PKIB: variants seen among roughly 807,000 people sequenced by gnomAD.
The protein encoded by PKIB is PKI-beta.
Under a neutral mutation model 4.5 loss-of-function variants are expected in PKIB, and 2 were observed. That is an observed-to-expected ratio of 0.44 (90% CI 0.18 to 1.39). The LOEUF is 1.39. Ranked by LOEUF, PKIB falls within the 40% of genes most tolerant of loss-of-function variation. The pLI, the probability that PKIB is intolerant of heterozygous loss-of-function variation, is 0.27. For missense variants in PKIB, 94 were observed against 92.6 expected, an observed-to-expected ratio of 1.02 and a Z score of -0.06; for synonymous variants, 38 against 36.0, an observed-to-expected ratio of 1.06 and a Z score of -0.20.
chr6:122,639,567 G>C (rs188176733), intron 2 of PKIB, among the ~76,000 whole-genome samples: 2 of 152,272 alleles, frequency 1.3e-5, no homozygotes, highest in Non-Finnish European at 2.9e-5. Context: ...TTGAACTAGA[G>C]AAAAATTGAC....
intron 4 of PKIB, among the ~76,000 whole-genome samples, chr6:122,719,969 A>G (rs74754538): frequency 0.045 from 6,861 of 152,128 alleles, 313 homozygotes; most frequent in African/African-American, 0.12. Flanking sequence ...TTATTAACAA[A>G]GTCACAAGTA....
intron 2 of PKIB, among the ~76,000 whole-genome samples, chr6:122,551,583 T>C (rs1387635149): frequency 6.6e-6 from 1 of 152,156 alleles, no homozygotes; most frequent in African/African-American, 2.4e-5. Context: ...TCCTTTGATT[T>C]CCCCTTATCC....
At chr6:122,547,764 A>C (rs1772547342) in intron 2 of PKIB, among the ~76,000 whole-genome samples, 1 of 136,860 alleles carries the variant, frequency 7.3e-6, no homozygotes, top group African/African-American at 2.7e-5. Context: ...CCATATGCAC[A>C]GCATCAGCAG....
At chr6:122,561,065 T>G (rs1772996885) in intron 2 of PKIB, among the ~76,000 whole-genome samples, 1 of 152,046 alleles carries the variant, frequency 6.6e-6, no homozygotes, top group South Asian at 2.1e-4. Flanking sequence ...CTTGGTAATT[T>G]CCTTTCTTCT....
At chr6:122,724,241 A>G (rs1779855451) in intron 4 of PKIB, among the ~76,000 whole-genome samples, 1 of 152,156 alleles carries the variant, frequency 6.6e-6, no homozygotes, top group South Asian at 2.1e-4. Context: ...GCCAGGAGAA[A>G]GGGAAAGTCA....
At chr6:122,496,208 A>G (rs912984215) in intron 2 of PKIB, among the ~76,000 whole-genome samples, 1 of 152,240 alleles carries the variant, frequency 6.6e-6, no homozygotes, top group South Asian at 2.1e-4. Context: ...CACATGGCAT[A>G]GTATAAAATC....
chr6:122,573,521 CAAAAA>C (rs61014475), intron 2 of PKIB, among the ~76,000 whole-genome samples: 1 of 87,588 alleles, frequency 1.1e-5, no homozygotes, highest in Non-Finnish European at 2.3e-5. Context: ...GACTCTGTCT[CAAAAA>C]AAAAAAAAAA....
At chr6:122,654,209 C>A (rs1270276605) in intron 2 of PKIB, among the ~76,000 whole-genome samples, 1 of 152,188 alleles carries the variant, frequency 6.6e-6, no homozygotes, top group Non-Finnish European at 1.5e-5. Flanking sequence ...GGTTTGGAGT[C>A]AGACCAGGGT....
In PKIB at chr6:122,611,531, T is replaced by A. The variant is rs569475645; in HGVS notation, c.-161+996T>A. On this transcript the variant is annotated intron_variant, in intron 1 of 4. Transcript: ENST00000368452. Reference sequence around the variant, plus strand: ...AAACGTTCATCTAGAAAAAAAATTTTAAAAAAACTCTTTTATCAGTGGTTT... The same window carrying A: ...AAACGTTCATCTAGAAAAAAAATTTAAAAAAAACTCTTTTATCAGTGGTTT... Among the ~76,000 whole-genome samples, 349 of 152,262 alleles carry A rather than the reference T, an allele frequency of 2.3e-3. 5 individuals are homozygous for A. Among genetic ancestry groups the A allele is most frequent in the African/African-American group, 6.5e-3 (270 of 41,560 alleles).
chr6:122,490,448 C>T (rs140692666), intron 2 of PKIB, among the ~76,000 whole-genome samples: 23 of 151,906 alleles, frequency 1.5e-4, no homozygotes, highest in Admixed American at 1.5e-3. Flanking sequence ...AATATGATTC[C>T]AAATGTTGGA....
At chr6:122,605,220 C>T (rs1774488731) in intron 3 of PKIB, among the ~76,000 whole-genome samples, 1 of 152,172 alleles carries the variant, frequency 6.6e-6, no homozygotes, top group African/African-American at 2.4e-5. Context: ...GCTGCCCCTG[C>T]CACAATTTGG....
At chr6:122,627,717 T>G (rs1041894843) in intron 1 of PKIB, among the ~76,000 whole-genome samples, 4 of 152,232 alleles carry the variant, frequency 2.6e-5, no homozygotes, top group African/African-American at 9.6e-5. Flanking sequence ...CAAATGGCCT[T>G]CATTCATTTT....
chr6:122,716,313 A>G (rs1274607880), intron 3 of PKIB, among the ~76,000 whole-genome samples: 12 of 152,170 alleles, frequency 7.9e-5, no homozygotes, highest in Admixed American at 6.5e-4. Flanking sequence ...GAGAAATTAA[A>G]TGGATTGAAC....
At chr6:122,583,737 C>A (rs1354914970) in intron 2 of PKIB, among the ~76,000 whole-genome samples, 2 of 152,162 alleles carry the variant, frequency 1.3e-5, no homozygotes, top group East Asian at 1.9e-4. Context: ...ACAATGATTA[C>A]CCATTCTAGA....
chr6:122,574,793 A>G (rs1166194492), intron 2 of PKIB, among the ~76,000 whole-genome samples: 2 of 152,216 alleles, frequency 1.3e-5, no homozygotes, highest in Admixed American at 6.5e-5. Flanking sequence ...AATCATAACA[A>G]TTCTGGAAGA....
intron 4 of PKIB, among the ~76,000 whole-genome samples, chr6:122,724,700 AAG>A (rs1162708568): frequency 2.6e-5 from 4 of 152,168 alleles, no homozygotes; most frequent in African/African-American, 9.6e-5. Flanking sequence ...TCTCCTAAGA[AAG>A]AGCAAAGGGA....
intron 3 of PKIB, chr6:122,701,612 C>A: frequency 7.9e-7 from 1 of 1,272,154 alleles, no homozygotes; most frequent in South Asian, 1.4e-5. Context: ...GTTAGCAGTT[C>A]TGTCTCAGGT....
chr6:122,682,727 G>A (rs1241991642), intron 3 of PKIB, among the ~76,000 whole-genome samples: 2 of 152,124 alleles, frequency 1.3e-5, no homozygotes, highest in Non-Finnish European at 2.9e-5. Context: ...TCCAAAGAGA[G>A]ACTTCTGCTG....
chr6:122,671,290 CA>C (rs66952964), intron 2 of PKIB, among the ~76,000 whole-genome samples: 40,932 of 119,612 alleles, frequency 0.34, 5,855 homozygotes, highest in Middle Eastern at 0.42. Flanking sequence ...GACTCTGTCT[CA>C]AAAAAAAAAA....
Sources: gnomAD v4.1 joint callset for allele counts (sites outside exome capture counted in the v4.1 genomes callset) on GRCh38, gnomAD v4.1.1 for gene constraint, MANE v1.5 for transcripts, NCBI Gene and HGNC (gene_info 2026-07-23, HGNC 2026-07-21) for gene names.